MEF2C: variants seen among roughly 807,000 people sequenced by gnomAD.
The protein encoded by MEF2C is myocyte-specific enhancer factor 2C.
MEF2C carries 6 observed loss-of-function variants against 50.5 expected under a neutral mutation model. That is an observed-to-expected ratio of 0.12 (90% CI 0.07 to 0.23). The LOEUF is 0.23. MEF2C is among the 10% of genes least tolerant of loss of function. The pLI, the probability that MEF2C is intolerant of heterozygous loss-of-function variation, is 1.00. For missense variants in MEF2C, 276 were observed against 605.0 expected (o/e 0.46, Z 5.70); for synonymous variants, 183 against 228.0 (o/e 0.80, Z 1.78).
At chr5:88,877,385 A>T (rs1831395915) in intron 1 of MEF2C, among the ~76,000 whole-genome samples, 1 of 152,058 alleles carries the variant, frequency 6.6e-6, no homozygotes, top group African/African-American at 2.4e-5. Context: ...ACCTAAAACT[A>T]AACCATAAAT....
At chr5:88,874,523 A>T (rs1031093361) in intron 1 of MEF2C, among the ~76,000 whole-genome samples, 6 of 151,950 alleles carry the variant, frequency 3.9e-5, no homozygotes, top group African/African-American at 1.4e-4. Flanking sequence ...GTCTTGAAAA[A>T]GTGCCAGGTG....
intron 6 of MEF2C, chr5:88,746,523 C>T (rs1302710457): frequency 5.1e-6 from 5 of 984,962 alleles, no homozygotes; most frequent in East Asian, 1.1e-4. Flanking sequence ...ATTGCAGTCT[C>T]GCCACTTGGC....
intron 2 of MEF2C, among the ~76,000 whole-genome samples, chr5:88,817,318 C>T (rs972570494): frequency 1.3e-5 from 2 of 151,928 alleles, no homozygotes; most frequent in Non-Finnish European, 2.9e-5. Flanking sequence ...GGAATCTATA[C>T]ATCTCTTTTT....
chr5:88,739,518 T>C (rs1765580328), intron 6 of MEF2C: 2 of 978,784 alleles, frequency 2.0e-6, no homozygotes, highest in African/African-American at 1.7e-5. Flanking sequence ...CAAATGAACA[T>C]ACATCTTTTT....
chr5:88,823,458 A>G (rs1447257202), intron 2 of MEF2C, among the ~76,000 whole-genome samples: 1 of 151,934 alleles, frequency 6.6e-6, no homozygotes, highest in East Asian at 1.9e-4. Context: ...CTTAATTATC[A>G]AGCTATTCAT....
At chr5:88,749,560 C>A (rs1771619972) in intron 5 of MEF2C, 1 of 918,460 alleles carries the variant, frequency 1.1e-6, no homozygotes, top group Admixed American at 6.2e-5. Flanking sequence ...TTTCATGAAT[C>A]TACCCACATT....
At chr5:88,735,774 A>G (rs557337027) in intron 6 of MEF2C, 4 of 985,394 alleles carry the variant, frequency 4.1e-6, no homozygotes, top group Non-Finnish European at 4.8e-6. Context: ...GAAGTCGTAA[A>G]TTCAAAGAAC....
At chr5:88,832,709 A>G (rs534188087) in intron 1 of MEF2C, among the ~76,000 whole-genome samples, 34 of 152,288 alleles carry the variant, frequency 2.2e-4, no homozygotes, top group African/African-American at 6.7e-4. Flanking sequence ...GAATATTTTG[A>G]TGTCAAAGCA....
chr5:88,790,387 A>G (rs1351215614), intron 3 of MEF2C, among the ~76,000 whole-genome samples: 1 of 152,208 alleles, frequency 6.6e-6, no homozygotes, highest in Admixed American at 6.5e-5. Flanking sequence ...TCAGAAATAA[A>G]GGGATCCTGG....
At chr5:88,727,292 C>T (rs1474224458) in intron 10 of MEF2C, among the ~76,000 whole-genome samples, 5 of 152,058 alleles carry the variant, frequency 3.3e-5, no homozygotes, top group Non-Finnish European at 5.9e-5. Context: ...AACAGTATCA[C>T]GTGAATTTAT....
At chr5:88,843,281 T>C in intron 1 of MEF2C, 1 of 926,764 alleles carries the variant, frequency 1.1e-6, no homozygotes, top group Non-Finnish European at 1.3e-6. Flanking sequence ...TACTCCATTA[T>C]CCATGTGAGA....
At chr5:88,760,129 G>A (rs1436000611) in intron 4 of MEF2C, among the ~76,000 whole-genome samples, 4 of 152,194 alleles carry the variant, frequency 2.6e-5, no homozygotes, top group Non-Finnish European at 5.9e-5. Context: ...TTATTTAGAA[G>A]GTATGTGAGC....
chr5:88,717,922 G>A lies in MEF2C; in HGVS notation c.*4682C>T, dbSNP rs976982427. 4 of 152,098 alleles carry A rather than the reference G, an allele frequency of 2.6e-5. No individual in the cohort carries two copies. Among genetic ancestry groups the A allele is most frequent in the African/African-American group, 4.8e-5 (2 of 41,424 alleles). 9.4% of individuals were successfully genotyped at this position (152,098 alleles called of 1,614,324 possible). On this transcript the variant is annotated 3_prime_UTR_variant, in exon 11 of 11. Coordinates refer to ENST00000504921, the MANE Select transcript of MEF2C (RefSeq NM_002397.5). ...ACTTATGGTACTGCTTTTCACAGTG[G>A]CTTTTGAAAAATTCTGTACATTTAA...
At chr5:88,895,196 C>T (rs945630942) in intron 1 of MEF2C, among the ~76,000 whole-genome samples, 2 of 152,102 alleles carry the variant, frequency 1.3e-5, no homozygotes. Context: ...CAGTTTCATG[C>T]TTCCAAACAG....
chr5:88,729,491 C>A (rs2152230675), intron 8 of MEF2C, 144 bp from the exon 9 acceptor site: 3 of 742,702 alleles, frequency 4.0e-6, no homozygotes, highest in Non-Finnish European at 6.5e-6. Flanking sequence ...TCTATGAACT[C>A]TGCCAACCCT....
At position 88,896,849 on chromosome 5, in the gene MEF2C, C is replaced by T. The variant is rs952844562; in HGVS notation, c.-240+7067G>A. 4.6e-5 allele frequency among the ~76,000 whole-genome samples: 7 copies of T among 152,118 alleles called. No individual in the cohort carries two copies. In the South Asian group the frequency reaches 1.0e-3, roughly 23 times the overall value. Reference sequence around the variant, plus strand: ...TCCTTTCTTCCTTCCATCTGTCATTCATTCATTCTTTCCTTCCTTCCTTCA... The same window carrying T: ...TCCTTTCTTCCTTCCATCTGTCATTTATTCATTCTTTCCTTCCTTCCTTCA... On this transcript the variant is annotated intron_variant, in intron 1 of 11. Coordinates refer to the MEF2C transcript ENST00000340208.
intron 10 of MEF2C, among the ~76,000 whole-genome samples, chr5:88,723,137 A>T (rs1756964171): frequency 6.6e-6 from 1 of 152,212 alleles, no homozygotes; most frequent in Non-Finnish European, 1.5e-5. Flanking sequence ...TACAGCATTT[A>T]ACTGGTCCAG....
intron 3 of MEF2C, among the ~76,000 whole-genome samples, chr5:88,799,870 T>TCATACA (rs70996496): frequency 2.3e-3 from 248 of 107,486 alleles, no homozygotes; most frequent in African/African-American, 4.4e-3. Context: ...TCTCTCTCTC[T>TCATACA]CACACACACA....
At position 88,823,807 on chromosome 5, in the gene MEF2C, C is replaced by G; in HGVS notation, c.-19G>C. On this transcript the variant is annotated 5_prime_UTR_variant, in exon 2 of 11. Coordinates refer to ENST00000504921, the MANE Select transcript of MEF2C (RefSeq NM_002397.5). ...TCCCCATAGTCCCCGTTTTTCTTCT[C>G]TCTCTCGTCCCTGAAATTATGTATT... The G allele has an allele frequency of 6.2e-7, 1 of 1,606,726 alleles. No individual in the cohort carries two copies. Among genetic ancestry groups the G allele is most frequent in the Non-Finnish European group, 8.5e-7 (1 of 1,175,914 alleles).
Sources: gnomAD v4.1 joint callset for allele counts (sites outside exome capture counted in the v4.1 genomes callset) on GRCh38, gnomAD v4.1.1 for gene constraint, MANE v1.5 for transcripts, NCBI Gene and HGNC (gene_info 2026-07-23, HGNC 2026-07-21) for gene names.